Variants in PLAAT4 observed in about 807,000 individuals in gnomAD.
The protein encoded by PLAAT4 is HRAS-like suppressor 4.
In PLAAT4, 12 loss-of-function variants were observed where a neutral mutation model predicts 14.1. That is an observed-to-expected ratio of 0.85 (90% CI 0.54 to 1.37). The LOEUF is 1.37. Ranked by LOEUF, PLAAT4 falls within the 40% of genes most tolerant of loss-of-function variation. PLAAT4 has a pLI of 0.00. For synonymous variants in PLAAT4, 77 were observed against 79.8 expected, an observed-to-expected ratio of 0.96 and a Z score of 0.19; for missense variants, 163 against 211.7, an observed-to-expected ratio of 0.77 and a Z score of 1.43.
Position 63,537,010 on chromosome 11 carries a change from A to T in PLAAT4, c.9+133A>T, listed in dbSNP as rs2017275898. 68 of 1,139,624 alleles carry T rather than the reference A, an allele frequency of 6.0e-5. No homozygotes were observed. The South Asian group carries it at 9.4e-4, about 16-fold the overall frequency. 70.6% of individuals were successfully genotyped at this position (1,139,624 alleles called of 1,614,324 possible). Reference sequence around the variant, plus strand: ...CGTCTTTAGAAGGCTGTCATGGAAAACTGTATTTGTCTTTTAAAAGTGCAT... The same window carrying T: ...CGTCTTTAGAAGGCTGTCATGGAAATCTGTATTTGTCTTTTAAAAGTGCAT... On this transcript the variant is annotated intron_variant, in intron 1 of 3. Coordinates refer to ENST00000255688, the MANE Select transcript of PLAAT4 (RefSeq NM_004585.5).
At chr11:63,545,657 T>C (rs1262699400) in intron 3 of PLAAT4, among the ~76,000 whole-genome samples, 3 of 152,066 alleles carry the variant, frequency 2.0e-5, no homozygotes, top group African/African-American at 7.2e-5. Context: ...TTGGGAATAG[T>C]ACACAGTGAC....
chr11:63,542,859 A>T (rs2017332374), intron 2 of PLAAT4, among the ~76,000 whole-genome samples: 1 of 152,222 alleles, frequency 6.6e-6, no homozygotes, highest in South Asian at 2.1e-4. Flanking sequence ...TCTAACACTA[A>T]GCTTGTGTTA....
At chr11:63,545,744 T>C (rs1440688258) in intron 3 of PLAAT4, among the ~76,000 whole-genome samples, 2 of 151,956 alleles carry the variant, frequency 1.3e-5, no homozygotes, top group Non-Finnish European at 2.9e-5. Flanking sequence ...TGCAAAGGTG[T>C]AGCTCAGGGA....
chr11:63,537,108 C>T (rs531864179), intron 1 of PLAAT4, among the ~76,000 whole-genome samples: 79 of 152,292 alleles, frequency 5.2e-4, no homozygotes, highest in South Asian at 1.2e-3. Flanking sequence ...GCGGGGAGCC[C>T]GGGACTCCCA....
chr11:63,543,143 C>T (rs1250313572), intron 2 of PLAAT4, among the ~76,000 whole-genome samples: 1 of 152,212 alleles, frequency 6.6e-6, no homozygotes, highest in African/African-American at 2.4e-5. Flanking sequence ...ATAACATTAT[C>T]AGGCTTGTAA....
chr11:63,544,937 T>C (rs1413346097), intron 3 of PLAAT4, 48 bp downstream of exon 3: 12 of 1,612,396 alleles, frequency 7.4e-6, no homozygotes, highest in Non-Finnish European at 1.0e-5. Flanking sequence ...GGGGCTGGAC[T>C]CACGGGGCTG....
chr11:63,538,596 A>C (rs1025886928), intron 1 of PLAAT4, among the ~76,000 whole-genome samples: 1 of 152,134 alleles, frequency 6.6e-6, no homozygotes, highest in African/African-American at 2.4e-5. Context: ...GGACAGGGAC[A>C]GAGAGGGTGA....
chr11:63,544,915 C>T, intron 3 of PLAAT4, 26 bp downstream of exon 3: 1 of 1,614,184 alleles, frequency 6.2e-7, no homozygotes, highest in South Asian at 1.1e-5. Context: ...GATAATCCAT[C>T]TCCCTCTGCT....
chr11:63,541,441 C>T (rs1187641779), intron 2 of PLAAT4, among the ~76,000 whole-genome samples: 2 of 151,934 alleles, frequency 1.3e-5, no homozygotes, highest in Non-Finnish European at 2.9e-5. Flanking sequence ...CCACCAGCCT[C>T]GGCCTCCCAA....
intron 1 of PLAAT4, among the ~76,000 whole-genome samples, 154 bp from the exon 2 acceptor site, chr11:63,539,362 C>T (rs1354503315): frequency 2.0e-5 from 3 of 152,210 alleles, no homozygotes; most frequent in Non-Finnish European, 4.4e-5. Context: ...CTGAGAAGAG[C>T]CTCTGAAAGT....
chr11:63,540,386 A>AT (rs1246262896), intron 2 of PLAAT4, among the ~76,000 whole-genome samples: 1 of 152,222 alleles, frequency 6.6e-6, no homozygotes, highest in African/African-American at 2.4e-5. Flanking sequence ...AGGTTTATAC[A>AT]TTTTTTTAAA....
chr11:63,541,378 C>T lies in PLAAT4; in HGVS notation c.118+1754C>T, dbSNP rs576537538. 8.5e-5 allele frequency among the ~76,000 whole-genome samples: 13 copies of T among 152,094 alleles called. No homozygotes were observed. The East Asian group carries it at 2.5e-3, about 29-fold the overall frequency. ...AGCTAGTTTTTTGTATTTTAGTAGA[C>T]ATGGGGTTTCACCATGTTGGCCAGG... On this transcript the variant is annotated intron_variant, in intron 2 of 3. Coordinates refer to ENST00000255688, the MANE Select transcript of PLAAT4 (RefSeq NM_004585.5).
Position 63,546,253 on chromosome 11 carries a change from C to G in PLAAT4, c.492C>G (p.Ala164=), listed in dbSNP as rs1333676583. 1 of 1,613,884 alleles carries G rather than the reference C, an allele frequency of 6.2e-7. No individual in the cohort carries two copies. The highest frequency in any genetic ancestry group is 2.2e-5 in the East Asian group (1 of 44,884). ...GGAGATACCAAAAAAAAGCGACAGC[C>G]TGAAGCAGCCACAAAATCCTGTGTT... ...AIRRYQKKAT[A] The change falls in exon 4 of 4, where the codon GCC becomes GCG. Residue 164 remains alanine (A), a synonymous_variant. Transcript: ENST00000255688.
intron 2 of PLAAT4, among the ~76,000 whole-genome samples, chr11:63,540,216 C>T (rs1464319866): frequency 6.6e-6 from 1 of 152,214 alleles, no homozygotes; most frequent in South Asian, 2.1e-4. Context: ...TGCAGAATCT[C>T]ATACGACTTA....
At chr11:63,545,219 G>T (rs901154259) in intron 3 of PLAAT4, 6 of 564,690 alleles carry the variant, frequency 1.1e-5, no homozygotes, top group Non-Finnish European at 1.6e-5. Context: ...GACAATGACA[G>T]GTCCTGCAAC....
At chr11:63,539,417 T>C (rs1232278791) in intron 1 of PLAAT4, 99 bp from the exon 2 acceptor site, 7 of 954,354 alleles carry the variant, frequency 7.3e-6, no homozygotes, top group Non-Finnish European at 1.2e-5. Context: ...CTGATGAACA[T>C]CAGCAAGGCG....
chr11:63,539,252 C>T (rs2017300914), intron 1 of PLAAT4, among the ~76,000 whole-genome samples: 1 of 152,180 alleles, frequency 6.6e-6, no homozygotes, highest in Non-Finnish European at 1.5e-5. Flanking sequence ...CCTCAGCATG[C>T]ACACACACAG....
chr11:63,542,769 G>A (rs920901118), intron 2 of PLAAT4, among the ~76,000 whole-genome samples: 6 of 151,928 alleles, frequency 3.9e-5, no homozygotes, highest in African/African-American at 9.7e-5. Context: ...TTCTATCATC[G>A]TTGGCCACAG....
At chr11:63,537,960 G>A (rs933456016) in intron 1 of PLAAT4, among the ~76,000 whole-genome samples, 4 of 152,180 alleles carry the variant, frequency 2.6e-5, no homozygotes, top group Non-Finnish European at 5.9e-5. Context: ...AGCAGCAGAG[G>A]CCCCCGGGGA....
Sources: allele counts gnomAD v4.1 joint callset (sites outside exome capture counted in the v4.1 genomes callset), GRCh38; gene constraint gnomAD v4.1.1; transcripts MANE v1.5; gene names NCBI Gene and HGNC (gene_info 2026-07-23, HGNC 2026-07-21).